COL4A4: variants seen among roughly 807,000 people sequenced by gnomAD.
The protein encoded by COL4A4 is collagen type IV alpha 4 chain, also known as collagen alpha-4(IV) chain.
Under a neutral mutation model 192.9 loss-of-function variants are expected in COL4A4, and 105 were observed. That is an observed-to-expected ratio of 0.54 (90% confidence interval 0.46 to 0.64). COL4A4 has a LOEUF of 0.64. Ranked by LOEUF, COL4A4 falls within the 30% of genes least tolerant of loss-of-function variation. The pLI is 0.00. For synonymous variants in COL4A4, 762 were observed against 769.9 expected (o/e 0.99, Z 0.17); for missense variants, 1,967 against 2,169.3 (o/e 0.91, Z 1.85).
chr2:226,976,151 C>A, the COL4A4 span, among the ~76,000 whole-genome samples: 1 of 151,176 alleles, frequency 6.6e-6, no homozygotes, highest in Admixed American at 6.6e-5. Flanking sequence ...ACAGCCTGCT[C>A]TTCCCTCAAG....
intron 1 of COL4A4, among the ~76,000 whole-genome samples, chr2:227,150,204 G>C (rs1053410674): frequency 6.6e-6 from 1 of 152,164 alleles, no homozygotes; most frequent in Non-Finnish European, 1.5e-5. Flanking sequence ...GTGAGGGCGT[G>C]GAAGAAGGAA....
intron 5 of COL4A4, 136 bp downstream of exon 5, chr2:227,120,878 G>T (rs772879884): frequency 2.6e-6 from 3 of 1,148,098 alleles, no homozygotes; most frequent in South Asian, 1.4e-5. Context: ...GGCGAAGGCT[G>T]CAGTGAGCTG....
chr2:227,100,451 C>T (rs571887431), intron 17 of COL4A4, among the ~76,000 whole-genome samples: 2 of 151,080 alleles, frequency 1.3e-5, no homozygotes, highest in Non-Finnish European at 2.9e-5. Context: ...AAAAAAATAA[C>T]AATCCAATGA....
rs1005441183 is a variant in COL4A4, at chr2:227,003,103, G to A, written c.*4222C>T. 3.9e-5 allele frequency: 6 copies of A among 152,300 alleles called. No individual in the cohort carries two copies. The highest frequency in any genetic ancestry group is 7.3e-5 in the Non-Finnish European group (5 of 68,034). 9.4% of individuals were successfully genotyped at this position (152,300 alleles called of 1,614,324 possible). A position where few individuals can be genotyped will look rare whatever the true frequency, so the allele number is the denominator to read the frequency against. ...CCTGCAGGAAATTGTGATATTTTCT[G>A]TGCTACAGTAACTTTGAGGATTGAA... On this transcript the variant is annotated 3_prime_UTR_variant, in exon 48 of 48. Coordinates refer to ENST00000396625, the MANE Select transcript of COL4A4 (RefSeq NM_000092.5).
At chr2:227,149,815 C>T (rs1320973590) in intron 1 of COL4A4, among the ~76,000 whole-genome samples, 1 of 152,074 alleles carries the variant, frequency 6.6e-6, no homozygotes, top group African/African-American at 2.4e-5. Flanking sequence ...GATTATGGTC[C>T]TAACACCTGG....
chr2:227,109,441 A>C, intron 9 of COL4A4, 155 bp from the exon 10 acceptor site: 1 of 736,366 alleles, frequency 1.4e-6, no homozygotes, highest in Non-Finnish European at 2.5e-6. Context: ...AGCAGCTTTG[A>C]TGCAGCCCTA....
At chr2:227,041,888 AAG>A (rs1305534466) in intron 37 of COL4A4, among the ~76,000 whole-genome samples, 1 of 148,414 alleles carries the variant, frequency 6.7e-6, no homozygotes, top group Middle Eastern at 3.2e-3. Flanking sequence ...GAAAGAAAGA[AAG>A]AAAGAAAGAA....
chr2:227,156,950 C>T (rs540769234), intron 1 of COL4A4, among the ~76,000 whole-genome samples: 2 of 152,244 alleles, frequency 1.3e-5, no homozygotes, highest in South Asian at 2.1e-4. Flanking sequence ...AGTTAAGACA[C>T]AGAAGATCTG....
At chr2:227,115,437 AT>A (rs796253235) in intron 7 of COL4A4, among the ~76,000 whole-genome samples, 2 of 151,352 alleles carry the variant, frequency 1.3e-5, no homozygotes, top group African/African-American at 4.9e-5. Flanking sequence ...TGCCTGGCTA[AT>A]TTTTTTGTAT....
intron 29 of COL4A4, among the ~76,000 whole-genome samples, chr2:227,056,326 C>T (rs1975340711): frequency 6.6e-6 from 1 of 151,822 alleles, no homozygotes; most frequent in Non-Finnish European, 1.5e-5. Context: ...TAAATGTTTC[C>T]CAGTAGGGAT....
chr2:227,061,221 C>T (rs1976944923), intron 26 of COL4A4, among the ~76,000 whole-genome samples: 1 of 152,128 alleles, frequency 6.6e-6, no homozygotes, highest in African/African-American at 2.4e-5. Context: ...TAAAAATGAA[C>T]GTTCAATCCG....
intron 29 of COL4A4, among the ~76,000 whole-genome samples, chr2:227,057,066 T>C (rs1046990126): frequency 2.4e-4 from 37 of 152,190 alleles, no homozygotes; most frequent in African/African-American, 8.7e-4. Context: ...AAGATCCTAA[T>C]GCTCTTTACC....
At chr2:226,988,510 G>T in the COL4A4 span, 1 of 1,520,828 alleles carries the variant, frequency 6.6e-7, no homozygotes, top group Non-Finnish European at 8.8e-7. Context: ...GCCTTGCGAG[G>T]TGGATAGCAG....
intron 12 of COL4A4, among the ~76,000 whole-genome samples, chr2:227,106,525 T>C (rs984651581): frequency 6.6e-6 from 1 of 151,782 alleles, no homozygotes; most frequent in Non-Finnish European, 1.5e-5. Flanking sequence ...AAACATGCTC[T>C]AGAACATCTG....
intron 35 of COL4A4, 107 bp from the exon 36 acceptor site, chr2:227,043,291 T>C (rs1287000306): frequency 2.3e-5 from 21 of 922,918 alleles, no homozygotes; most frequent in Non-Finnish European, 3.5e-5. Flanking sequence ...TTTTTTAGTT[T>C]TAAATAGTTT....
At chr2:227,122,625 G>A (rs1472543678) in intron 4 of COL4A4, among the ~76,000 whole-genome samples, 3 of 152,174 alleles carry the variant, frequency 2.0e-5, no homozygotes, top group African/African-American at 2.4e-5. Context: ...ATGTTGTGCA[G>A]TCCCATCAAG....
Position 227,008,325 on chromosome 2 carries a change from C to G in COL4A4, c.4523-21G>C, listed in dbSNP as rs1181677756. 4 of 1,613,398 alleles carry G rather than the reference C, an allele frequency of 2.5e-6. No homozygotes were observed. In the African/African-American group the frequency reaches 4.0e-5, roughly 16 times the overall value. Reference sequence around the variant, plus strand: ...CAGACCTTGGGAAGGGAAGAAGAGACAGCTGGTGTCCAAGCACCCCATGTA... The same window carrying G: ...CAGACCTTGGGAAGGGAAGAAGAGAGAGCTGGTGTCCAAGCACCCCATGTA... On this transcript the variant is annotated intron_variant, in intron 46 of 47. Coordinates refer to ENST00000396625, the MANE Select transcript of COL4A4 (RefSeq NM_000092.5).
chr2:227,055,950 G>A lies in COL4A4; in HGVS notation c.2711C>T (p.Pro904Leu), dbSNP rs1975231404. ...ATGGAAAAAGCACTACCTACCCTTT[G>A]GACCTGGAGGACCAGGTAGCCCATC... ...GDDGLPGPPG[P>L]KGPRGLPGFP... Residue 904 changes from proline (P) to leucine (L), a missense_variant, in exon 30 of 48, where the codon CCA becomes CTA. Pro to Leu is a moderately conservative substitution (Grantham distance 98). Transcript: ENST00000396625. The A allele has an allele frequency of 6.2e-7, 1 of 1,613,466 alleles. No individual in the cohort carries two copies. The highest frequency in any genetic ancestry group is 1.3e-5 in the African/African-American group (1 of 74,868).
the COL4A4 span, among the ~76,000 whole-genome samples, chr2:226,969,394 CT>C: frequency 7.8e-3 from 898 of 115,508 alleles, 8 homozygotes; most frequent in African/African-American, 0.024. Flanking sequence ...ACAGCTCAGC[CT>C]TTTTTTTTTT....
Sources: allele counts gnomAD v4.1 joint callset (sites outside exome capture counted in the v4.1 genomes callset), GRCh38; gene constraint gnomAD v4.1.1; transcripts MANE v1.5; gene names NCBI Gene and HGNC (gene_info 2026-07-23, HGNC 2026-07-21).